The following RALGPS1 variants were observed in gnomAD, a reference collection of about 807,000 sequenced individuals.
RALGPS1 encodes the protein ras-specific guanine nucleotide-releasing factor RalGPS1.
In RALGPS1, 19 loss-of-function variants were observed where a neutral mutation model predicts 78.8. The observed-to-expected ratio is 0.24, with a 90% CI of 0.17 to 0.35. The LOEUF is 0.35. RALGPS1 is among the 10% of genes least tolerant of loss of function. The pLI is 1.00. For missense variants in RALGPS1, 454 were observed against 688.3 expected, an observed-to-expected ratio of 0.66 and a Z score of 3.81; for synonymous variants, 228 against 256.3, an observed-to-expected ratio of 0.89 and a Z score of 1.06.
intron 11 of RALGPS1, chr9:127,177,848 C>G: frequency 3.2e-6 from 5 of 1,547,644 alleles, no homozygotes; most frequent in Non-Finnish European, 4.4e-6. Context: ...GGTACAGCCT[C>G]CTTTCCCACA....
chr9:126,961,895 C>T (rs558906517), intron 1 of RALGPS1, among the ~76,000 whole-genome samples: 5 of 152,196 alleles, frequency 3.3e-5, no homozygotes, highest in Non-Finnish European at 7.3e-5. Context: ...AGGCCCTGCT[C>T]CAATCCAAGG....
chr9:127,027,935 A>T lies in RALGPS1; in HGVS notation c.217-6496A>T, dbSNP rs1318981096. ...ATCTCATCGTCTTGTTTGTGGATTC[A>T]GCAAGTTACAGCATGTAAGTCCCCT... On this transcript the variant is annotated intron_variant, in intron 4 of 18. Coordinates refer to ENST00000259351, the MANE Select transcript of RALGPS1 (RefSeq NM_014636.3). Among the ~76,000 whole-genome samples, 5 of 152,226 alleles carry T rather than the reference A, an allele frequency of 3.3e-5. No individual in the cohort carries two copies. In the South Asian group the frequency reaches 1.0e-3, roughly 32 times the overall value.
At chr9:127,135,842 G>A (rs1037868889) in intron 8 of RALGPS1, among the ~76,000 whole-genome samples, 4 of 152,340 alleles carry the variant, frequency 2.6e-5, no homozygotes, top group East Asian at 1.9e-4. Context: ...GGAGAACAAA[G>A]ATGAACTTTG....
In RALGPS1 at chr9:127,110,403, A is replaced by G. The variant is rs1353736600; in HGVS notation, c.610+41047A>G. Reference sequence around the variant, plus strand: ...AGAGCCTGTGCTGGTTCATCCTCATATTCCTGTCCTTTCTCTACTGTTGAG... The same window carrying G: ...AGAGCCTGTGCTGGTTCATCCTCATGTTCCTGTCCTTTCTCTACTGTTGAG... On this transcript the variant is annotated intron_variant, in intron 8 of 18. Coordinates refer to ENST00000259351, the MANE Select transcript of RALGPS1 (RefSeq NM_014636.3). Among the ~76,000 whole-genome samples, 4 of 151,878 alleles carry G rather than the reference A, an allele frequency of 2.6e-5. 1 individual carries two copies. The highest frequency in any genetic ancestry group is 3.9e-4 in the East Asian group (2 of 5,144).
chr9:126,918,622 G>A (rs2034426670), intron 1 of RALGPS1, among the ~76,000 whole-genome samples: 1 of 150,216 alleles, frequency 6.7e-6, no homozygotes, highest in Admixed American at 6.6e-5. Flanking sequence ...CGTCTAGCAA[G>A]TATAGTTTTT....
At chr9:127,037,235 A>AC (rs1229763704) in intron 5 of RALGPS1, among the ~76,000 whole-genome samples, 1 of 152,252 alleles carries the variant, frequency 6.6e-6, no homozygotes, top group East Asian at 1.9e-4. Context: ...GACCAGACCA[A>AC]CAGGCTTGGG....
chr9:126,988,012 A>G (rs112069764), intron 4 of RALGPS1, among the ~76,000 whole-genome samples: 9 of 152,294 alleles, frequency 5.9e-5, no homozygotes, highest in African/African-American at 2.2e-4. Flanking sequence ...AAGCAGAAAG[A>G]TTCAGTTGCA....
At chr9:126,915,007 G>C (rs2033953049) in intron 1 of RALGPS1, 32 bp downstream of exon 1, 1 of 150,746 alleles carries the variant, frequency 6.6e-6, no homozygotes, top group East Asian at 2.0e-4. Context: ...GGCGGGGAGA[G>C]CGGCGGTGAG....
chr9:127,159,976 T>C (rs989407219), intron 8 of RALGPS1, among the ~76,000 whole-genome samples: 5 of 152,204 alleles, frequency 3.3e-5, no homozygotes, highest in Non-Finnish European at 7.3e-5. Context: ...CACATTTTTA[T>C]GCTGTAGAGG....
chr9:127,015,027 A>G (rs2044688838), intron 4 of RALGPS1, among the ~76,000 whole-genome samples: 1 of 152,248 alleles, frequency 6.6e-6, no homozygotes, highest in Non-Finnish European at 1.5e-5. Context: ...TAAGCCCATT[A>G]TATAGTACCT....
intron 11 of RALGPS1, among the ~76,000 whole-genome samples, chr9:127,189,010 A>C (rs1249911162): frequency 1.4e-4 from 20 of 146,252 alleles, no homozygotes; most frequent in Admixed American, 9.5e-4. Context: ...AAAAAAAAAA[A>C]AAAAAAAAAA....
chr9:126,964,175 T>C (rs1226755939), intron 2 of RALGPS1, among the ~76,000 whole-genome samples: 1 of 151,960 alleles, frequency 6.6e-6, no homozygotes, highest in East Asian at 1.9e-4. Context: ...CTGGCCAACA[T>C]GGTGAAACCC....
intron 10 of RALGPS1, among the ~76,000 whole-genome samples, chr9:127,170,424 AT>A (rs2059511608): frequency 1.3e-5 from 2 of 152,342 alleles, no homozygotes; most frequent in African/African-American, 4.8e-5. Flanking sequence ...TTATATAATA[AT>A]TTGTTAAACT....
At chr9:126,929,494 CA>C (rs1312698633) in intron 1 of RALGPS1, among the ~76,000 whole-genome samples, 27 of 152,034 alleles carry the variant, frequency 1.8e-4, no homozygotes, top group Non-Finnish European at 3.1e-4. Flanking sequence ...TCTTGTTGAC[CA>C]GGCTGGAGTG....
chr9:127,131,744 C>G (rs2057018790), intron 8 of RALGPS1, among the ~76,000 whole-genome samples: 1 of 152,158 alleles, frequency 6.6e-6, no homozygotes, highest in South Asian at 2.1e-4. Context: ...TAGGATCATC[C>G]TGTTTATGTC....
intron 8 of RALGPS1, among the ~76,000 whole-genome samples, chr9:127,134,010 C>CA (rs553966854): frequency 6.6e-5 from 10 of 151,126 alleles, no homozygotes; most frequent in African/African-American, 1.5e-4. Context: ...CCTCGCTCCC[C>CA]CCCCCGTGAA....
At chr9:127,158,976 A>C (rs1188491799) in intron 8 of RALGPS1, among the ~76,000 whole-genome samples, 2 of 152,072 alleles carry the variant, frequency 1.3e-5, no homozygotes, top group South Asian at 2.1e-4. Context: ...TGGGAGGTAT[A>C]ATTTCCCCAA....
intron 8 of RALGPS1, among the ~76,000 whole-genome samples, chr9:127,114,792 C>T (rs890618891): frequency 6.6e-6 from 1 of 152,230 alleles, no homozygotes; most frequent in Admixed American, 6.5e-5. Context: ...TGGCCCCTGA[C>T]GTCGGGGTTC....
At chr9:126,977,864 C>T in intron 4 of RALGPS1, 119 bp downstream of exon 4, 1 of 657,692 alleles carries the variant, frequency 1.5e-6, no homozygotes, top group Non-Finnish European at 2.6e-6. Context: ...GCATGTTATC[C>T]ATTTAAACCC....
Sources: gnomAD v4.1 joint callset for allele counts (sites outside exome capture counted in the v4.1 genomes callset) on GRCh38, gnomAD v4.1.1 for gene constraint, MANE v1.5 for transcripts, NCBI Gene and HGNC (gene_info 2026-07-23, HGNC 2026-07-21) for gene names.